KANSL1L: variants seen among roughly 807,000 people sequenced by gnomAD.
KANSL1L encodes KAT8 regulatory NSL complex subunit 1 like.
A neutral mutation model predicts 108.6 loss-of-function variants in KANSL1L; 25 were observed. That is an observed-to-expected ratio of 0.23 (90% CI 0.17 to 0.32). KANSL1L has a LOEUF of 0.32. Ranked by LOEUF, KANSL1L falls within the 10% of genes least tolerant of loss-of-function variation. The pLI, the probability that KANSL1L is intolerant of heterozygous loss-of-function variation, is 1.00. For synonymous variants in KANSL1L, 405 were observed against 395.1 expected, an observed-to-expected ratio of 1.03 and a Z score of -0.30; for missense variants, 1,137 against 1,125.7, an observed-to-expected ratio of 1.01 and a Z score of -0.14.
intron 1 of KANSL1L, among the ~76,000 whole-genome samples, chr2:210,159,616 C>T (rs1329705995): frequency 6.6e-6 from 1 of 152,174 alleles, no homozygotes; most frequent in Non-Finnish European, 1.5e-5. Context: ...TATTTAAAGG[C>T]ATTTCAGGAT....
At chr2:210,096,842 A>G (rs998062341) in intron 5 of KANSL1L, 3 of 844,032 alleles carry the variant, frequency 3.6e-6, no homozygotes, top group African/African-American at 3.7e-5. Flanking sequence ...CAATGGATAC[A>G]TAACTCAACA....
At chr2:210,117,248 C>T (rs971476217) in intron 3 of KANSL1L, among the ~76,000 whole-genome samples, 4 of 151,856 alleles carry the variant, frequency 2.6e-5, no homozygotes, top group African/African-American at 7.3e-5. Context: ...CCTACCAGAT[C>T]AAAAAAATAG....
intron 5 of KANSL1L, among the ~76,000 whole-genome samples, chr2:210,089,546 G>A (rs1285422624): frequency 1.3e-5 from 2 of 152,096 alleles, no homozygotes; most frequent in Non-Finnish European, 2.9e-5. Context: ...GAAGTGAGGT[G>A]TAAAGAGATT....
intron 3 of KANSL1L, among the ~76,000 whole-genome samples, chr2:210,122,357 C>T (rs761260019): frequency 5.3e-5 from 8 of 151,990 alleles, no homozygotes; most frequent in East Asian, 1.9e-4. Context: ...CAAAACAGTA[C>T]GGAGAACCCA....
intron 2 of KANSL1L, among the ~76,000 whole-genome samples, chr2:210,146,864 T>C (rs1559601422): frequency 6.6e-6 from 1 of 152,216 alleles, no homozygotes; most frequent in Non-Finnish European, 1.5e-5. Flanking sequence ...TCTTAATTTT[T>C]CCTTTGAAAA....
chr2:210,135,077 T>C (rs2095161729), intron 2 of KANSL1L, among the ~76,000 whole-genome samples: 1 of 152,174 alleles, frequency 6.6e-6, no homozygotes, highest in Admixed American at 6.6e-5. Context: ...AGTCTATTAT[T>C]GTAAGGAACA....
intron 5 of KANSL1L, among the ~76,000 whole-genome samples, chr2:210,082,227 G>A (rs1038963968): frequency 6.6e-6 from 1 of 152,154 alleles, no homozygotes; most frequent in Non-Finnish European, 1.5e-5. Context: ...ATACTGTAAT[G>A]CTGATAATTT....
rs150205119 is a variant in KANSL1L, at chr2:210,115,235, G to C, written c.1231-10934C>G. On this transcript the variant is annotated intron_variant, in intron 3 of 14. Coordinates refer to ENST00000281772, the MANE Select transcript of KANSL1L (RefSeq NM_152519.4). ...GACACAAGTAAGTTGAAAGTGGAAGGATTTTTAAAAATTATATACAATATC... is the reference window on the plus strand; with the variant it reads ...GACACAAGTAAGTTGAAAGTGGAAGCATTTTTAAAAATTATATACAATATC... Among the ~76,000 whole-genome samples, 613 of 152,014 alleles carry C rather than the reference G, an allele frequency of 4.0e-3. 3 individuals are homozygous for C. The highest frequency in any genetic ancestry group is 0.014 in the African/African-American group (587 of 41,470).
intron 3 of KANSL1L, among the ~76,000 whole-genome samples, chr2:210,124,642 A>G (rs1250051476): frequency 6.6e-6 from 1 of 151,988 alleles, no homozygotes; most frequent in Non-Finnish European, 1.5e-5. Flanking sequence ...GAAAGGAAAT[A>G]ATAAAGATTA....
At chr2:210,068,902 C>T (rs747802152) in intron 6 of KANSL1L, among the ~76,000 whole-genome samples, 1 of 152,136 alleles carries the variant, frequency 6.6e-6, no homozygotes, top group Non-Finnish European at 1.5e-5. Context: ...GAGTTACATA[C>T]CTAACCTTCC....
At chr2:210,046,755 A>T (rs989040920) in intron 6 of KANSL1L, among the ~76,000 whole-genome samples, 5 of 152,098 alleles carry the variant, frequency 3.3e-5, no homozygotes, top group Admixed American at 1.3e-4. Context: ...TGGCTCTCCT[A>T]GGCTAGAATC....
At chr2:210,102,644 CA>C (rs1249206915) in intron 4 of KANSL1L, among the ~76,000 whole-genome samples, 1 of 152,044 alleles carries the variant, frequency 6.6e-6, no homozygotes, top group African/African-American at 2.4e-5. Context: ...ACCCCATCAA[CA>C]AGTGGGCGAA....
intron 6 of KANSL1L, among the ~76,000 whole-genome samples, chr2:210,056,488 T>C (rs767489488): frequency 2.0e-5 from 3 of 152,158 alleles, no homozygotes; most frequent in Non-Finnish European, 4.4e-5. Flanking sequence ...CTGAGCTAAA[T>C]ATCTTTTTTT....
intron 1 of KANSL1L, among the ~76,000 whole-genome samples, chr2:210,169,317 T>A (rs1399366426): frequency 1.3e-5 from 2 of 152,116 alleles, no homozygotes; most frequent in South Asian, 2.1e-4. Context: ...ACAGAAAAAA[T>A]TTAAAATATG....
At chr2:210,062,841 G>A (rs747111877) in intron 6 of KANSL1L, among the ~76,000 whole-genome samples, 2 of 152,290 alleles carry the variant, frequency 1.3e-5, no homozygotes, top group African/African-American at 2.4e-5. Flanking sequence ...ATTTGGAAAC[G>A]TTGCAGCCTG....
Position 210,023,122 on chromosome 2 carries a change from A to G in KANSL1L, c.2791T>C (p.Leu931=). 2 of 1,614,042 alleles carry G rather than the reference A, an allele frequency of 1.2e-6. No homozygotes were observed. Among genetic ancestry groups the G allele is most frequent in the East Asian group, 2.2e-5 (1 of 44,870 alleles). Residue 931 remains leucine (L), a synonymous_variant, in exon 15 of 15, where the codon TTA becomes CTA. Coordinates refer to ENST00000281772, the MANE Select transcript of KANSL1L (RefSeq NM_152519.4). Reference sequence around the variant, plus strand: ...TGATCCTTTTTTTCATCTTGACATAATAAGGCTGCCATGTCTTCACCCTTC... The same window carrying G: ...TGATCCTTTTTTTCATCTTGACATAGTAAGGCTGCCATGTCTTCACCCTTC... The part of the protein sequence containing the change: ...PLKGEDMAAL[L]CQDEKKDQVE...
intron 6 of KANSL1L, among the ~76,000 whole-genome samples, chr2:210,066,896 G>T (rs569111168): frequency 1.3e-5 from 2 of 152,184 alleles, no homozygotes; most frequent in African/African-American, 4.8e-5. Flanking sequence ...TGCCCAGAAA[G>T]CTGGTAAAAC....
chr2:210,153,557 A>T lies in KANSL1L; in HGVS notation c.1026T>A (p.Asp342Glu). 1.9e-6 allele frequency: 3 copies of T among 1,614,138 alleles called. No homozygotes were observed. The highest frequency in any genetic ancestry group is 2.5e-6 in the Non-Finnish European group (3 of 1,180,008). ...CGTCATCAGAGCTGCTATCAGTTGC[A>T]TCGGAATCCAAACCCTCTTCAACAT... ...LSHVEEGLDS[D>E]ATDSSSDDDL... The change falls in exon 2 of 15, where the codon GAT becomes GAA. Residue 342 changes from aspartate to glutamate, a missense_variant. By Grantham distance (45) the Asp-to-Glu change is conservative. Around this residue, in one of 3 missense-constraint regions of KANSL1L, gnomAD observed 556 missense variants for 537.7 expected, o/e 1.03. Coordinates refer to ENST00000281772, the MANE Select transcript of KANSL1L (RefSeq NM_152519.4).
intron 4 of KANSL1L, among the ~76,000 whole-genome samples, chr2:210,102,496 C>A (rs373133063): frequency 6.6e-6 from 1 of 152,068 alleles, no homozygotes; most frequent in African/African-American, 2.4e-5. Context: ...AGCTTCTGCA[C>A]AGCAAAAGAA....
Sources: allele counts gnomAD v4.1 joint callset (sites outside exome capture counted in the v4.1 genomes callset), GRCh38; gene constraint gnomAD v4.1.1; regional missense constraint gnomAD v4.1.1; transcripts MANE v1.5; gene names NCBI Gene and HGNC (gene_info 2026-07-23, HGNC 2026-07-21).